Variants in TSC22D1 observed in about 807,000 individuals in gnomAD.
TSC22D1 encodes TSC22 domain family member 1, also known as TSC22 domain family protein 1.
Under a neutral mutation model 74.2 loss-of-function variants are expected in TSC22D1, and 9 were observed. The observed-to-expected ratio is 0.12, with a 90% CI of 0.07 to 0.21. The LOEUF (loss-of-function observed/expected upper bound fraction) is 0.21. Ranked by LOEUF, TSC22D1 falls within the 10% of genes least tolerant of loss-of-function variation. TSC22D1 has a pLI of 1.00. For missense variants in TSC22D1, 1,427 were observed against 1,304.7 expected (o/e 1.09, Z -1.44); for synonymous variants, 586 against 492.5 (o/e 1.19, Z -2.51).
At chr13:44,564,992 A>G (rs916800136) in intron 1 of TSC22D1, among the ~76,000 whole-genome samples, 3 of 152,238 alleles carry the variant, frequency 2.0e-5, no homozygotes, top group African/African-American at 7.2e-5. Context: ...CAAAATAAAG[A>G]CAACTAAAGA....
At chr13:44,471,389 T>C (rs1335001101) in intron 1 of TSC22D1, among the ~76,000 whole-genome samples, 9 of 152,228 alleles carry the variant, frequency 5.9e-5, no homozygotes, top group Non-Finnish European at 7.3e-5. Flanking sequence ...GTGTAGCACT[T>C]GGATCTCTTG....
intron 1 of TSC22D1, among the ~76,000 whole-genome samples, chr13:44,510,219 T>TA (rs760309642): frequency 0.024 from 3,112 of 130,084 alleles, 60 homozygotes; most frequent in African/African-American, 0.057. Context: ...CCCTGTCTAC[T>TA]AAAAAAAAAA....
chr13:44,479,025 T>TA (rs1458632583), intron 1 of TSC22D1, among the ~76,000 whole-genome samples: 2 of 152,094 alleles, frequency 1.3e-5, no homozygotes, highest in Admixed American at 6.5e-5. Flanking sequence ...TATTACTGAA[T>TA]AAAAAATATT....
rs1367009455 is a variant in TSC22D1 at position 44,551,417 on chromosome 13, T to C, written c.2912+21746A>G. ...GTGTGTGTGTGTGTGTGTGTGTGTG[T>C]GTGTGTGTGTGTGTGTCTGAGACAG... On this transcript the variant is annotated intron_variant, in intron 1 of 2. Transcript: ENST00000458659. Among the ~76,000 whole-genome samples, 5 of 151,410 alleles carry C rather than the reference T, an allele frequency of 3.3e-5. No homozygotes were observed. In the East Asian group the frequency reaches 9.8e-4, roughly 30 times the overall value.
intron 1 of TSC22D1, chr13:44,436,534 G>T (rs745379318): frequency 1.4e-5 from 22 of 1,613,980 alleles, no homozygotes; most frequent in Non-Finnish European, 1.8e-5. Flanking sequence ...AGCGTTTTCA[G>T]TCCCCAGCAA....
chr13:44,548,837 A>AT (rs1566167659), intron 1 of TSC22D1, among the ~76,000 whole-genome samples: 1 of 152,208 alleles, frequency 6.6e-6, no homozygotes, highest in Non-Finnish European at 1.5e-5. Flanking sequence ...TACCTGATAC[A>AT]TATCTATTGA....
intron 1 of TSC22D1, among the ~76,000 whole-genome samples, chr13:44,560,681 G>A (rs2138195388): frequency 6.6e-6 from 1 of 152,274 alleles, no homozygotes; most frequent in Admixed American, 6.5e-5. Flanking sequence ...ATTTGTCTAT[G>A]CTTAAATGAT....
At chr13:44,536,948 A>G in intron 1 of TSC22D1, 3 of 673,176 alleles carry the variant, frequency 4.5e-6, no homozygotes, top group Non-Finnish European at 5.3e-6. Flanking sequence ...AAAAAAAAAA[A>G]AAAAAAAAAA....
intron 1 of TSC22D1, among the ~76,000 whole-genome samples, chr13:44,557,741 TTTTAA>T (rs1882771626): frequency 6.6e-6 from 1 of 152,232 alleles, no homozygotes; most frequent in African/African-American, 2.4e-5. Flanking sequence ...TTTAATAGAA[TTTTAA>T]TTTGATTGCA....
chr13:44,535,697 T>C (rs548809048), intron 1 of TSC22D1, among the ~76,000 whole-genome samples: 36 of 151,972 alleles, frequency 2.4e-4, no homozygotes, highest in South Asian at 4.1e-4. Flanking sequence ...TTTTATACTA[T>C]AGTTAACCTC....
At chr13:44,444,278 C>CAAAAAAAAA (rs71070905) in intron 1 of TSC22D1, among the ~76,000 whole-genome samples, 212 of 17,638 alleles carry the variant, frequency 0.012, 8 homozygotes, top group Non-Finnish European at 0.016. Flanking sequence ...GACTCTGTCT[C>CAAAAAAAAA]AAAAAAAAAA....
intron 1 of TSC22D1, chr13:44,436,920 G>A (rs1348187413): frequency 1.2e-5 from 13 of 1,055,174 alleles, no homozygotes; most frequent in Non-Finnish European, 2.3e-6. Flanking sequence ...TGGCCGGCAC[G>A]CCACTGGGAC....
chr13:44,484,291 T>C (rs1878329143), intron 1 of TSC22D1, among the ~76,000 whole-genome samples: 1 of 152,214 alleles, frequency 6.6e-6, no homozygotes, highest in Admixed American at 6.5e-5. Flanking sequence ...CAAAAATCTC[T>C]AGTCTCTACA....
At chr13:44,462,058 G>A (rs1877027069) in intron 1 of TSC22D1, among the ~76,000 whole-genome samples, 1 of 152,134 alleles carries the variant, frequency 6.6e-6, no homozygotes, top group Admixed American at 6.5e-5. Context: ...GGAGAGGGGA[G>A]ATAAATGATT....
At chr13:44,454,919 G>GT (rs201391944) in intron 1 of TSC22D1, among the ~76,000 whole-genome samples, 8 of 151,768 alleles carry the variant, frequency 5.3e-5, no homozygotes, top group South Asian at 4.2e-4. Flanking sequence ...ACTGGAAATA[G>GT]TTTTTTTTTA....
At chr13:44,508,450 A>G (rs1247377496) in intron 1 of TSC22D1, among the ~76,000 whole-genome samples, 1 of 152,194 alleles carries the variant, frequency 6.6e-6, no homozygotes, top group East Asian at 1.9e-4. Context: ...GATGGTCACA[A>G]TATGAATTGT....
At chr13:44,498,755 A>AC (rs1272106425) in intron 1 of TSC22D1, among the ~76,000 whole-genome samples, 1 of 152,148 alleles carries the variant, frequency 6.6e-6, no homozygotes, top group Non-Finnish European at 1.5e-5. Flanking sequence ...TTCCCCACTC[A>AC]CCGTTGCCCT....
At chr13:44,445,014 C>T (rs1875521596) in intron 1 of TSC22D1, among the ~76,000 whole-genome samples, 1 of 152,036 alleles carries the variant, frequency 6.6e-6, no homozygotes, top group East Asian at 1.9e-4. Flanking sequence ...CAATTCTATA[C>T]AAACTCTTCC....
chr13:44,566,809 A>C (rs991994442), intron 1 of TSC22D1, among the ~76,000 whole-genome samples: 1 of 152,218 alleles, frequency 6.6e-6, no homozygotes, highest in Non-Finnish European at 1.5e-5. Flanking sequence ...CTTAGCAAAC[A>C]CTAGAAAATC....
Sources: gnomAD v4.1 joint callset for allele counts (sites outside exome capture counted in the v4.1 genomes callset) on GRCh38, gnomAD v4.1.1 for gene constraint, MANE v1.5 for transcripts, NCBI Gene and HGNC (gene_info 2026-07-23, HGNC 2026-07-21) for gene names.